Variants in RNF216 observed in about 807,000 individuals in gnomAD.
RNF216 encodes ring finger protein 216.
A neutral mutation model predicts 110.8 loss-of-function variants in RNF216; 72 were observed. The observed-to-expected ratio is 0.65, with a 90% CI of 0.54 to 0.79. RNF216 has a LOEUF of 0.79. RNF216 is among the 30% of genes least tolerant of loss of function. The probability of loss-of-function intolerance (pLI) is 0.00; values close to 1 mark genes in which losing one functional copy is unlikely to be tolerated. For missense variants in RNF216, 1,342 were observed against 1,141.2 expected, an observed-to-expected ratio of 1.18 and a Z score of -2.54; for synonymous variants, 495 against 407.5, an observed-to-expected ratio of 1.21 and a Z score of -2.59.
intron 6 of RNF216, 44 bp downstream of exon 6, chr7:5,730,671 A>G (rs1351148998): frequency 6.3e-7 from 1 of 1,598,404 alleles, no homozygotes; most frequent in Non-Finnish European, 8.5e-7. Context: ...AACAAAGCAC[A>G]GCATTTCCAG....
intron 13 of RNF216, among the ~76,000 whole-genome samples, chr7:5,655,698 G>A (rs149291024): frequency 1.3e-5 from 2 of 149,242 alleles, no homozygotes; most frequent in East Asian, 1.9e-4. Context: ...CCAGGCTGGG[G>A]AGTTTAACAT....
chr7:5,670,180 C>T (rs927554995), intron 13 of RNF216, among the ~76,000 whole-genome samples: 8 of 152,044 alleles, frequency 5.3e-5, no homozygotes, highest in Admixed American at 2.6e-4. Flanking sequence ...GTGAGGCACC[C>T]GCCTCGGCCT....
intron 16 of RNF216, among the ~76,000 whole-genome samples, 179 bp from the exon 17 acceptor site, chr7:5,623,358 C>G (rs1485475969): frequency 1.3e-5 from 2 of 152,202 alleles, no homozygotes; most frequent in East Asian, 3.9e-4. Flanking sequence ...TGTACTTCCA[C>G]CAGTGTCTTG....
intron 5 of RNF216, among the ~76,000 whole-genome samples, chr7:5,732,070 G>A (rs1584531073): frequency 4.6e-5 from 7 of 152,068 alleles, no homozygotes; most frequent in Admixed American, 6.6e-5. Context: ...CCCAGTCCAC[G>A]GAACACAACG....
At chr7:5,640,473 G>GT (rs1170751673) in intron 15 of RNF216, among the ~76,000 whole-genome samples, 3 of 152,166 alleles carry the variant, frequency 2.0e-5, no homozygotes, top group African/African-American at 7.2e-5. Context: ...CCTCCCTGTG[G>GT]CTCTCTCCAC....
chr7:5,766,184 G>C (rs555553028), intron 1 of RNF216, among the ~76,000 whole-genome samples: 1 of 152,166 alleles, frequency 6.6e-6, no homozygotes, highest in South Asian at 2.1e-4. Context: ...TAGCTACCCA[G>C]GAGTCTGAAG....
chr7:5,626,166 A>C (rs770487412), intron 15 of RNF216, among the ~76,000 whole-genome samples: 5 of 152,206 alleles, frequency 3.3e-5, no homozygotes, highest in Non-Finnish European at 7.3e-5. Flanking sequence ...ACACATAAGA[A>C]TTCTCTATCA....
chr7:5,640,178 G>A (rs977749052), intron 15 of RNF216, among the ~76,000 whole-genome samples: 1 of 151,884 alleles, frequency 6.6e-6, no homozygotes, highest in Non-Finnish European at 1.5e-5. Context: ...CATCACAGGC[G>A]TGAGCTACTG....
chr7:5,725,719 G>A (rs1429837326), intron 7 of RNF216, among the ~76,000 whole-genome samples: 8 of 151,982 alleles, frequency 5.3e-5, no homozygotes, highest in South Asian at 2.1e-4. Flanking sequence ...GCATGGTGGC[G>A]CACGCCTGTA....
chr7:5,736,374 G>A (rs1259442916), intron 5 of RNF216, among the ~76,000 whole-genome samples: 7 of 152,150 alleles, frequency 4.6e-5, no homozygotes, highest in East Asian at 1.9e-4. Flanking sequence ...TGCCAGCCTC[G>A]GCCTCCCGAG....
At chr7:5,657,419 T>G (rs768788836) in intron 13 of RNF216, among the ~76,000 whole-genome samples, 1 of 151,980 alleles carries the variant, frequency 6.6e-6, no homozygotes, top group Non-Finnish European at 1.5e-5. Context: ...AATACAAAAT[T>G]AGCTGGGCGT....
rs56903968 is a variant in RNF216 at position 5,765,787 on chromosome 7, CAAAAAAA to C, written c.-69-4656_-69-4650del. Reference sequence around the variant, plus strand: ...GTGAAACCCCGTCTCTACTAAAATACAAAAAAAAAAAAAAAAAAATTAGCCAGGCGTG... The same window carrying C: ...GTGAAACCCCGTCTCTACTAAAATACAAAAAAAAAAAATTAGCCAGGCGTG... On this transcript the variant is annotated intron_variant, in intron 1 of 16. Transcript: ENST00000389902. Among the ~76,000 whole-genome samples the C allele has an allele frequency of 1.8e-3, 225 of 123,268 alleles. 1 individual carries two copies. Among genetic ancestry groups the C allele is most frequent in the Non-Finnish European group, 3.4e-3 (191 of 56,930 alleles). The allele number at this position is 123,268 out of a possible 152,430, so 80.9% of individuals were successfully genotyped here.
At chr7:5,727,106 G>T (rs1453158568) in intron 7 of RNF216, among the ~76,000 whole-genome samples, 1 of 152,200 alleles carries the variant, frequency 6.6e-6, no homozygotes, top group Non-Finnish European at 1.5e-5. Flanking sequence ...GTCCCAGTCT[G>T]GGCAGCAATG....
chr7:5,651,615 A>C (rs992809939), intron 14 of RNF216, among the ~76,000 whole-genome samples: 9 of 151,944 alleles, frequency 5.9e-5, no homozygotes, highest in Non-Finnish European at 2.9e-5. Flanking sequence ...AGAGAAGAGA[A>C]AGAGATTTCA....
chr7:5,709,647 G>A (rs1792536570), intron 13 of RNF216, among the ~76,000 whole-genome samples: 2 of 152,188 alleles, frequency 1.3e-5, no homozygotes, highest in South Asian at 2.1e-4. Context: ...CATATGTGGT[G>A]TTCCTATTTG....
chr7:5,700,304 G>A (rs1791881862), intron 13 of RNF216, among the ~76,000 whole-genome samples: 1 of 152,176 alleles, frequency 6.6e-6, no homozygotes, highest in African/African-American at 2.4e-5. Flanking sequence ...ATGAGATCAT[G>A]ACAACAAATC....
chr7:5,765,106 T>A (rs919719248), intron 1 of RNF216, among the ~76,000 whole-genome samples: 1 of 150,848 alleles, frequency 6.6e-6, no homozygotes, highest in Non-Finnish European at 1.5e-5. Context: ...ATAAAACAAT[T>A]TTTACACATT....
Position 5,622,797 on chromosome 7 carries a change from G to T in RNF216, c.*63C>A. On this transcript the variant is annotated 3_prime_UTR_variant, in exon 17 of 17. Coordinates refer to ENST00000389902, the MANE Select transcript of RNF216 (RefSeq NM_207111.4). ...GGTACAGACACCAGCCTTGGGGGAG[G>T]GTTCTCCATCCACACTCCTACCCCA... 6.8e-7 allele frequency: 1 copy of T among 1,461,800 alleles called. No individual in the cohort carries two copies. Among genetic ancestry groups the T allele is most frequent in the South Asian group, 1.3e-5 (1 of 78,668 alleles). The allele number at this position is 1,461,800 out of a possible 1,614,324, so 90.6% of individuals were successfully genotyped here. A position where few individuals can be genotyped will look rare whatever the true frequency, so the allele number is the denominator to read the frequency against.
intron 13 of RNF216, among the ~76,000 whole-genome samples, chr7:5,700,036 A>G (rs1791865140): frequency 6.6e-6 from 1 of 152,218 alleles, no homozygotes; most frequent in Non-Finnish European, 1.5e-5. Flanking sequence ...ATCTTGCTCG[A>G]TGCCCTAAAC....
Sources: gnomAD v4.1 joint callset for allele counts (sites outside exome capture counted in the v4.1 genomes callset) on GRCh38, gnomAD v4.1.1 for gene constraint, MANE v1.5 for transcripts, NCBI Gene and HGNC (gene_info 2026-07-23, HGNC 2026-07-21) for gene names.